The following LNPEP variants were observed in gnomAD, a reference collection of about 807,000 sequenced individuals.
The protein encoded by LNPEP is leucyl-cystinyl aminopeptidase.
A neutral mutation model predicts 120.6 loss-of-function variants in LNPEP; 64 were observed. The ratio of observed to expected loss-of-function variants is 0.53; its 90% CI spans 0.43 to 0.65. LNPEP has a LOEUF of 0.65. Ranked by LOEUF, LNPEP falls within the 30% of genes least tolerant of loss-of-function variation. The probability of loss-of-function intolerance (pLI) is 0.00; values close to 1 mark genes in which losing one functional copy is unlikely to be tolerated. For synonymous variants in LNPEP, 435 were observed against 425.4 expected (o/e 1.02, Z -0.28); for missense variants, 1,057 against 1,200.0 (o/e 0.88, Z 1.76).
chr5:97,028,061 A>T (rs1791389105), intron 17 of LNPEP, among the ~76,000 whole-genome samples: 2 of 152,180 alleles, frequency 1.3e-5, no homozygotes, highest in South Asian at 2.1e-4. Flanking sequence ...AGTGGTCATA[A>T]AATTGTTTGG....
intron 1 of LNPEP, among the ~76,000 whole-genome samples, chr5:96,977,822 C>T (rs781221217): frequency 1.3e-5 from 2 of 151,952 alleles, no homozygotes; most frequent in Non-Finnish European, 2.9e-5. Context: ...AACTTCATTG[C>T]CAGGTATGAA....
At chr5:96,995,379 A>C (rs1790489146) in intron 6 of LNPEP, among the ~76,000 whole-genome samples, 1 of 152,238 alleles carries the variant, frequency 6.6e-6, no homozygotes, top group African/African-American at 2.4e-5. Context: ...TACATATTTT[A>C]CAACTACTTT....
intron 7 of LNPEP, among the ~76,000 whole-genome samples, chr5:96,996,825 C>G (rs1790526278): frequency 6.6e-6 from 1 of 151,888 alleles, no homozygotes; most frequent in African/African-American, 2.4e-5. Context: ...TTTAAAGTTG[C>G]AAAGTCTAAT....
intron 1 of LNPEP, among the ~76,000 whole-genome samples, chr5:96,953,790 A>G (rs1251771268): frequency 6.6e-6 from 1 of 152,208 alleles, no homozygotes; most frequent in Non-Finnish European, 1.5e-5. Flanking sequence ...GTCTTAGTTT[A>G]TGTATACTAA....
chr5:97,013,425 T>TACAAGCA, intron 11 of LNPEP, among the ~76,000 whole-genome samples: 1 of 152,348 alleles, frequency 6.6e-6, no homozygotes. Flanking sequence ...CCATTTGATT[T>TACAAGCA]CCAGCACCTA....
intron 1 of LNPEP, among the ~76,000 whole-genome samples, chr5:96,975,682 GA>G (rs1317777632): frequency 6.6e-6 from 1 of 151,880 alleles, no homozygotes; most frequent in Non-Finnish European, 1.5e-5. Context: ...AAAATGAAAT[GA>G]AAAAAGACAT....
intron 1 of LNPEP, among the ~76,000 whole-genome samples, chr5:96,961,624 G>A (rs1228234556): frequency 1.3e-5 from 2 of 152,066 alleles, no homozygotes; most frequent in Non-Finnish European, 2.9e-5. Flanking sequence ...AGTATCCTCT[G>A]AGGATTGGTT....
At chr5:97,021,197 G>C (rs565670229) in intron 13 of LNPEP, among the ~76,000 whole-genome samples, 1 of 152,038 alleles carries the variant, frequency 6.6e-6, no homozygotes, top group East Asian at 1.9e-4. Flanking sequence ...ATGAAATATC[G>C]TATCTGTATA....
At chr5:97,015,172 T>C in intron 13 of LNPEP, 77 bp downstream of exon 13, 1 of 1,041,484 alleles carries the variant, frequency 9.6e-7, no homozygotes, top group South Asian at 2.9e-5. Context: ...CAGCCAGTAA[T>C]AGGCTGAAAA....
intron 13 of LNPEP, among the ~76,000 whole-genome samples, chr5:97,020,923 C>T (rs1189564275): frequency 2.0e-5 from 3 of 152,150 alleles, no homozygotes; most frequent in Non-Finnish European, 4.4e-5. Context: ...CCTCACCCCC[C>T]ACCCGCCATG....
intron 15 of LNPEP, among the ~76,000 whole-genome samples, chr5:97,025,887 C>A (rs1791327055): frequency 6.6e-6 from 1 of 152,082 alleles, no homozygotes; most frequent in Non-Finnish European, 1.5e-5. Context: ...TTTATTTAAT[C>A]CATCACGTTT....
chr5:96,938,483 TA>T (rs1189996615), intron 1 of LNPEP, among the ~76,000 whole-genome samples: 2 of 152,378 alleles, frequency 1.3e-5, no homozygotes, highest in East Asian at 3.9e-4. Context: ...TGGTTCCATC[TA>T]CTGACCTATG....
intron 1 of LNPEP, among the ~76,000 whole-genome samples, chr5:96,957,478 C>T (rs533742091): frequency 1.3e-5 from 2 of 151,994 alleles, no homozygotes; most frequent in South Asian, 2.1e-4. Flanking sequence ...ATCAGCTGAC[C>T]TTAAAATAAA....
chr5:96,997,276 T>G (rs1213567567), intron 7 of LNPEP, among the ~76,000 whole-genome samples: 2 of 152,168 alleles, frequency 1.3e-5, no homozygotes, highest in African/African-American at 4.8e-5. Flanking sequence ...AAAACAGAAG[T>G]ACTCTTAAGA....
Position 97,006,511 on chromosome 5 carries a change from A to T in LNPEP, c.2031A>T (p.Lys677Asn). Residue 677 changes from lysine to asparagine, a missense_variant, in exon 11 of 18, where the codon AAA (lysine) becomes AAT (asparagine). Coordinates refer to ENST00000231368, the MANE Select transcript of LNPEP (RefSeq NM_005575.3). ...AATCGGTATCATTACTGGATAAGAA[A>T]TCAGGTTTGACTATAATGACAGTTC... is the stretch of plus-strand genomic sequence containing the variant. ...KYQSVSLLDK[K>N]SGVINLTEEV... 1 of 1,485,404 alleles carries T rather than the reference A, an allele frequency of 6.7e-7. No individual in the cohort carries two copies. Among genetic ancestry groups the T allele is most frequent in the Non-Finnish European group, 9.4e-7 (1 of 1,064,092 alleles). 92.0% of individuals were successfully genotyped at this position (1,485,404 alleles called of 1,614,324 possible). A position where few individuals can be genotyped will look rare whatever the true frequency, so the allele number is the denominator to read the frequency against.
chr5:96,949,124 A>C (rs557420457), intron 1 of LNPEP, among the ~76,000 whole-genome samples: 44 of 152,246 alleles, frequency 2.9e-4, no homozygotes, highest in Non-Finnish European at 5.4e-4. Flanking sequence ...ATTCTTTACT[A>C]AGGGCTTGAG....
chr5:96,945,388 AG>A (rs1789163693), intron 1 of LNPEP, among the ~76,000 whole-genome samples: 1 of 148,786 alleles, frequency 6.7e-6, no homozygotes, highest in African/African-American at 2.5e-5. Context: ...CCTGGGCAAG[AG>A]AGTGAGACCC....
At chr5:96,982,758 G>A (rs1439905705) in intron 2 of LNPEP, among the ~76,000 whole-genome samples, 1 of 152,138 alleles carries the variant, frequency 6.6e-6, no homozygotes, top group East Asian at 1.9e-4. Flanking sequence ...GATAGCAACA[G>A]TTATTTGGGC....
At position 97,036,217 on chromosome 5, in the gene LNPEP, G is replaced by A. The variant is rs1045921944; in HGVS notation, c.*7684G>A. 1 of 152,040 alleles carries A rather than the reference G, an allele frequency of 6.6e-6. No individual in the cohort carries two copies. Among genetic ancestry groups the A allele is most frequent in the African/African-American group, 2.4e-5 (1 of 41,410 alleles). The allele number at this position is 152,040 out of a possible 1,614,324, so 9.4% of individuals were successfully genotyped here. ...GTTATTGACATGGCTCTGATGAATA[G>A]AACATGAGCCCCAAAACTAAATCCA... is the stretch of plus-strand genomic sequence containing the variant. On this transcript the variant is annotated 3_prime_UTR_variant, in exon 18 of 18. Transcript: ENST00000231368.
Sources: allele counts gnomAD v4.1 joint callset (sites outside exome capture counted in the v4.1 genomes callset), GRCh38; gene constraint gnomAD v4.1.1; transcripts MANE v1.5; gene names NCBI Gene and HGNC (gene_info 2026-07-23, HGNC 2026-07-21).